Variants in CFAP20DC observed in about 807,000 individuals in gnomAD.
CFAP20DC encodes protein CFAP20DC.
CFAP20DC carries 84 observed loss-of-function variants against 101.7 expected under a neutral mutation model. The observed-to-expected ratio is 0.83, with a 90% CI of 0.69 to 0.99. CFAP20DC has a LOEUF of 0.99. Ranked by LOEUF, CFAP20DC falls within the 50% of genes least tolerant of loss-of-function variation. CFAP20DC has a pLI of 0.00. For missense variants in CFAP20DC, 1,007 were observed against 970.3 expected, an observed-to-expected ratio of 1.04 and a Z score of -0.50; for synonymous variants, 359 against 351.2, an observed-to-expected ratio of 1.02 and a Z score of -0.25.
At chr3:58,890,523 C>T (rs866182225) in intron 6 of CFAP20DC, among the ~76,000 whole-genome samples, 49 of 148,812 alleles carry the variant, frequency 3.3e-4, no homozygotes, top group Middle Eastern at 7.2e-3. Flanking sequence ...CGGGCAGAGG[C>T]GCCCCTCACC....
intron 4 of CFAP20DC, among the ~76,000 whole-genome samples, chr3:59,023,185 T>A (rs1037511683): frequency 5.9e-5 from 9 of 151,910 alleles, no homozygotes; most frequent in African/African-American, 2.2e-4. Context: ...TTTTCCTGTC[T>A]TTTTCTAATC....
chr3:58,980,272 A>G (rs1385753758), intron 4 of CFAP20DC, among the ~76,000 whole-genome samples: 1 of 152,184 alleles, frequency 6.6e-6, no homozygotes, highest in Admixed American at 6.6e-5. Context: ...AGACTACCAG[A>G]GGTACAAGGA....
intron 15 of CFAP20DC, among the ~76,000 whole-genome samples, chr3:58,770,766 G>A (rs2070768686): frequency 6.6e-6 from 1 of 152,164 alleles, no homozygotes; most frequent in Non-Finnish European, 1.5e-5. Flanking sequence ...AAGAATCTTG[G>A]ATTTGCATTT....
At chr3:58,828,440 T>A (rs891364337) in intron 14 of CFAP20DC, among the ~76,000 whole-genome samples, 1 of 151,988 alleles carries the variant, frequency 6.6e-6, no homozygotes, top group African/African-American at 2.4e-5. Flanking sequence ...TTGAAGGAAT[T>A]CAGATGAAAA....
At chr3:58,870,611 G>A (rs1321268249) in intron 7 of CFAP20DC, among the ~76,000 whole-genome samples, 6 of 151,012 alleles carry the variant, frequency 4.0e-5, no homozygotes, top group Non-Finnish European at 8.9e-5. Context: ...AGAAAGGGCC[G>A]GGCGCGGTGG....
At chr3:58,816,560 C>T (rs59790134) in intron 14 of CFAP20DC, among the ~76,000 whole-genome samples, 15,134 of 152,114 alleles carry the variant, frequency 0.099, 1,304 homozygotes, top group East Asian at 0.35. Context: ...GTGACTCCCA[C>T]CCGAATATTG....
At chr3:58,890,884 G>A (rs1239547055) in intron 6 of CFAP20DC, among the ~76,000 whole-genome samples, 2 of 147,512 alleles carry the variant, frequency 1.4e-5, no homozygotes, top group African/African-American at 2.6e-5. Flanking sequence ...GGGAAGAGGC[G>A]CTCCTCACTT....
chr3:58,919,447 G>A (rs2085102158), intron 5 of CFAP20DC, among the ~76,000 whole-genome samples: 1 of 152,102 alleles, frequency 6.6e-6, no homozygotes, highest in African/African-American at 2.4e-5. Context: ...AAATCATGAG[G>A]TATAAGTAAT....
At chr3:58,948,331 C>A (rs1386882595) in intron 4 of CFAP20DC, among the ~76,000 whole-genome samples, 3 of 152,324 alleles carry the variant, frequency 2.0e-5, no homozygotes, top group Middle Eastern at 3.4e-3. Flanking sequence ...AGTTGAAATG[C>A]CAGCTCCTCC....
chr3:59,013,799 G>GACAGATGGCTACATGCACAATTACTA (rs2093635810), intron 4 of CFAP20DC, among the ~76,000 whole-genome samples: 8 of 152,128 alleles, frequency 5.3e-5, no homozygotes, highest in Admixed American at 3.9e-4. Flanking sequence ...CCATATTTAT[G>GACAGATGGCTACATGCACAATTACTA]ACAGATGGCT....
rs556214747 is a variant in CFAP20DC at position 59,033,501 on chromosome 3, C to G, written c.278+6056G>C. 2.6e-5 allele frequency among the ~76,000 whole-genome samples: 4 copies of G among 152,166 alleles called. No individual in the cohort carries two copies. In the South Asian group the frequency reaches 8.3e-4, roughly 32 times the overall value. ...CTAGAATAACCAGTTTAGAGAAGAACATAAATGACCTGATGGAGCTGAAAA... is the reference window on the plus strand; with the variant it reads ...CTAGAATAACCAGTTTAGAGAAGAAGATAAATGACCTGATGGAGCTGAAAA... On this transcript the variant is annotated intron_variant, in intron 4 of 16. Coordinates refer to ENST00000482387, the MANE Select transcript of CFAP20DC (RefSeq NM_001394063.1).
intron 16 of CFAP20DC, among the ~76,000 whole-genome samples, chr3:58,749,571 T>G (rs2068429998): frequency 6.6e-6 from 1 of 152,186 alleles, no homozygotes; most frequent in Non-Finnish European, 1.5e-5. Context: ...ATGGGAATAT[T>G]TGGTGTGGCT....
intron 6 of CFAP20DC, among the ~76,000 whole-genome samples, chr3:58,898,544 C>T (rs1267918514): frequency 2.6e-5 from 4 of 152,194 alleles, no homozygotes; most frequent in Admixed American, 6.5e-5. Context: ...AGTTCAGTTA[C>T]GTTCTTCTTT....
At chr3:58,814,727 A>C (rs2074974985) in intron 14 of CFAP20DC, among the ~76,000 whole-genome samples, 1 of 150,728 alleles carries the variant, frequency 6.6e-6, no homozygotes, top group Non-Finnish European at 1.5e-5. Context: ...ACAAACAGAG[A>C]GCCAAATCAT....
intron 13 of CFAP20DC, among the ~76,000 whole-genome samples, chr3:58,848,792 T>A (rs1161942069): frequency 6.6e-6 from 1 of 152,184 alleles, no homozygotes; most frequent in Non-Finnish European, 1.5e-5. Context: ...ACTGTTATGA[T>A]GAAAATTACA....
At chr3:58,950,979 C>T (rs1435246579) in intron 4 of CFAP20DC, among the ~76,000 whole-genome samples, 1 of 152,110 alleles carries the variant, frequency 6.6e-6, no homozygotes, top group Non-Finnish European at 1.5e-5. Flanking sequence ...AGGCAACCTA[C>T]AAAATGGGAG....
chr3:58,996,768 G>A (rs933056296), intron 4 of CFAP20DC, among the ~76,000 whole-genome samples: 4 of 152,194 alleles, frequency 2.6e-5, no homozygotes, highest in Non-Finnish European at 4.4e-5. Context: ...TTATATTGTG[G>A]CCCAAGTTCC....
At chr3:58,723,653 T>C (rs1311353314) in intron 3 of CFAP20DC, among the ~76,000 whole-genome samples, 1 of 152,222 alleles carries the variant, frequency 6.6e-6, no homozygotes, top group Non-Finnish European at 1.5e-5. Context: ...GACAGGCAGG[T>C]CTCTGCTCCT....
At chr3:58,939,076 C>A (rs2088130203) in intron 4 of CFAP20DC, among the ~76,000 whole-genome samples, 1 of 152,124 alleles carries the variant, frequency 6.6e-6, no homozygotes, top group Non-Finnish European at 1.5e-5. Context: ...TGATATGCAA[C>A]AATCCACTGA....
Sources: gnomAD v4.1 joint callset for allele counts (sites outside exome capture counted in the v4.1 genomes callset) on GRCh38, gnomAD v4.1.1 for gene constraint, MANE v1.5 for transcripts, NCBI Gene and HGNC (gene_info 2026-07-23, HGNC 2026-07-21) for gene names.